RAB6B: variants seen among roughly 807,000 people sequenced by gnomAD.
The protein encoded by RAB6B is ras-related protein Rab-6B.
RAB6B carries 7 observed loss-of-function variants against 31.2 expected under a neutral mutation model. The observed-to-expected ratio is 0.22, with a 90% CI of 0.13 to 0.42. The LOEUF (loss-of-function observed/expected upper bound fraction) is 0.42. Ranked by LOEUF, RAB6B falls within the 10% of genes least tolerant of loss-of-function variation. RAB6B has a pLI of 1.00. For missense variants in RAB6B, 149 were observed against 280.6 expected (o/e 0.53, Z 3.35); for synonymous variants, 105 against 104.9 (o/e 1.00, Z -0.01).
intron 6 of RAB6B, among the ~76,000 whole-genome samples, 170 bp from the exon 7 acceptor site, chr3:133,834,811 C>T (rs539480758): frequency 3.9e-5 from 6 of 152,282 alleles, no homozygotes; most frequent in Non-Finnish European, 7.3e-5. Flanking sequence ...TTCTCTCTCC[C>T]CCACCTCTCA....
chr3:133,845,020 T>C (rs186077457), intron 2 of RAB6B, among the ~76,000 whole-genome samples: 22 of 151,236 alleles, frequency 1.5e-4, no homozygotes, highest in Non-Finnish European at 2.8e-4. Context: ...CTACATTAAA[T>C]CAATTTGCCT....
chr3:133,838,155 T>G lies in RAB6B; in HGVS notation c.495+11A>C, dbSNP rs751698080. On this transcript the variant is annotated intron_variant, in intron 6 of 7. Transcript: ENST00000285208. ...GCCCCGTGCCGGGCCCCGTGCCAGG[T>G]GTGTCCTCACCTGCTTCACGTTGTA... 1 of 1,611,598 alleles carries G rather than the reference T, an allele frequency of 6.2e-7. No homozygotes were observed. Among genetic ancestry groups the G allele is most frequent in the South Asian group, 1.1e-5 (1 of 91,030 alleles).
intron 7 of RAB6B, among the ~76,000 whole-genome samples, chr3:133,834,041 C>G (rs549845366): frequency 6.6e-6 from 1 of 152,252 alleles, no homozygotes; most frequent in East Asian, 1.9e-4. Context: ...ATCTAGGTGT[C>G]TCTTCAGGTT....
chr3:133,864,026 G>A (rs1185737585), intron 2 of RAB6B, among the ~76,000 whole-genome samples: 2 of 152,106 alleles, frequency 1.3e-5, no homozygotes, highest in Non-Finnish European at 2.9e-5. Context: ...AGGGCCAGGA[G>A]CTGCAGAGGT....
chr3:133,870,800 A>G (rs553045920), intron 1 of RAB6B, among the ~76,000 whole-genome samples: 5 of 127,320 alleles, frequency 3.9e-5, no homozygotes, highest in African/African-American at 1.6e-4. Flanking sequence ...CACTATTGGC[A>G]TCAGCATGAA....
intron 2 of RAB6B, among the ~76,000 whole-genome samples, chr3:133,844,393 C>G (rs1446023751): frequency 6.6e-6 from 1 of 152,214 alleles, no homozygotes. Flanking sequence ...CAGACCTGTT[C>G]TAGCCACACT....
At chr3:133,859,951 T>C (rs553210023) in intron 2 of RAB6B, among the ~76,000 whole-genome samples, 1 of 152,118 alleles carries the variant, frequency 6.6e-6, no homozygotes, top group Non-Finnish European at 1.5e-5. Context: ...TAAAAAGACA[T>C]GTGGCCAAGA....
intron 1 of RAB6B, among the ~76,000 whole-genome samples, chr3:133,889,814 G>A (rs995695810): frequency 6.6e-6 from 1 of 152,152 alleles, no homozygotes; most frequent in African/African-American, 2.4e-5. Flanking sequence ...ATCAGATCAT[G>A]CAAAAGACAG....
intron 6 of RAB6B, among the ~76,000 whole-genome samples, chr3:133,837,591 C>T (rs12487258): frequency 0.12 from 18,361 of 152,190 alleles, 1,469 homozygotes; most frequent in South Asian, 0.24. Context: ...GCAATGTTTT[C>T]CAGCCCTGTC....
At chr3:133,867,792 C>A (rs1936258525) in intron 1 of RAB6B, among the ~76,000 whole-genome samples, 1 of 152,102 alleles carries the variant, frequency 6.6e-6, no homozygotes, top group Non-Finnish European at 1.5e-5. Context: ...ACATCTGGGG[C>A]CCAGCACCCC....
chr3:133,842,227 C>T (rs1217497681), intron 2 of RAB6B, among the ~76,000 whole-genome samples: 5 of 152,218 alleles, frequency 3.3e-5, no homozygotes, highest in Non-Finnish European at 7.3e-5. Context: ...GCCCCACTGG[C>T]TCTTTTCTCC....
Position 133,838,153 on chromosome 3 carries a change from G to T in RAB6B, c.495+13C>A. On this transcript the variant is annotated intron_variant, in intron 6 of 7. Coordinates refer to ENST00000285208, the MANE Select transcript of RAB6B (RefSeq NM_016577.4). ...GGGCCCCGTGCCGGGCCCCGTGCCAGGTGTGTCCTCACCTGCTTCACGTTG... is the reference window on the plus strand; with the variant it reads ...GGGCCCCGTGCCGGGCCCCGTGCCATGTGTGTCCTCACCTGCTTCACGTTG... The T allele has an allele frequency of 6.2e-7, 1 of 1,609,560 alleles. No individual in the cohort carries two copies. The highest frequency in any genetic ancestry group is 8.5e-7 in the Non-Finnish European group (1 of 1,176,428).
At chr3:133,885,129 C>A (rs976568335) in intron 1 of RAB6B, among the ~76,000 whole-genome samples, 1 of 148,930 alleles carries the variant, frequency 6.7e-6, no homozygotes, top group Non-Finnish European at 1.5e-5. Flanking sequence ...ATGGGGAACT[C>A]ACACATCCAA....
At position 133,824,594 on chromosome 3, in the gene RAB6B, T is replaced by G. The variant is rs188045253; in HGVS notation, c.*4194A>C. 1 of 152,142 alleles carries G rather than the reference T, an allele frequency of 6.6e-6. No homozygotes were observed. The highest frequency in any genetic ancestry group is 6.5e-5 in the Admixed American group (1 of 15,274). 9.4% of individuals were successfully genotyped at this position (152,142 alleles called of 1,614,324 possible). On this transcript the variant is annotated 3_prime_UTR_variant, in exon 8 of 8. Transcript: ENST00000285208. ...AGTCCAAGGAGTTTGCACATTGAGA[T>G]CCCAAGGTTTTGGAACACCTAAATA...
intron 2 of RAB6B, among the ~76,000 whole-genome samples, chr3:133,862,321 T>A (rs573662484): frequency 6.6e-6 from 1 of 152,166 alleles, no homozygotes; most frequent in African/African-American, 2.4e-5. Flanking sequence ...TCAGGCCCTG[T>A]GCTAGACTCA....
At chr3:133,885,720 CG>C (rs1207457703) in intron 1 of RAB6B, 2 of 667,218 alleles carry the variant, frequency 3.0e-6, no homozygotes, top group Non-Finnish European at 5.5e-6. Flanking sequence ...GGTCCATCTG[CG>C]TACAGTGTGG....
In RAB6B at chr3:133,826,451, A is replaced by C. The variant is rs1338552227; in HGVS notation, c.*2337T>G. ...GAAAATAAAAATCTACCATACGTTC[A>C]TTCACTGAGACCCAGTGCAGATTCC... On this transcript the variant is annotated 3_prime_UTR_variant, in exon 8 of 8. Transcript: ENST00000285208. The C allele has an allele frequency of 6.6e-6, 1 of 152,590 alleles. No homozygotes were observed. The highest frequency in any genetic ancestry group is 1.5e-5 in the Non-Finnish European group (1 of 68,046). 9.5% of individuals were successfully genotyped at this position (152,590 alleles called of 1,614,324 possible).
chr3:133,837,994 C>T (rs1935766083), intron 6 of RAB6B, among the ~76,000 whole-genome samples, 172 bp downstream of exon 6: 1 of 152,158 alleles, frequency 6.6e-6, no homozygotes, highest in South Asian at 2.1e-4. Context: ...TTGGGCTTTA[C>T]CAGCTCCGGA....
chr3:133,835,920 C>T (rs2692671), intron 6 of RAB6B, among the ~76,000 whole-genome samples: 123,707 of 152,110 alleles, frequency 0.81, 51,356 homozygotes, highest in African/African-American at 0.96. Context: ...TACATTTCTG[C>T]TGTTTATATG....
Sources: gnomAD v4.1 joint callset for allele counts (sites outside exome capture counted in the v4.1 genomes callset) on GRCh38, gnomAD v4.1.1 for gene constraint, MANE v1.5 for transcripts, NCBI Gene and HGNC (gene_info 2026-07-23, HGNC 2026-07-21) for gene names.